Variants in ASTN1 observed in about 807,000 individuals in gnomAD.
ASTN1 encodes astrotactin-1.
Under a neutral mutation model 140.7 loss-of-function variants are expected in ASTN1, and 41 were observed. The ratio of observed to expected loss-of-function variants is 0.29; its 90% confidence interval spans 0.23 to 0.38. The LOEUF (loss-of-function observed/expected upper bound fraction) is 0.38, where lower values mean the gene tolerates loss of function less well. Ranked by LOEUF, ASTN1 falls within the 10% of genes least tolerant of loss-of-function variation. ASTN1 has a pLI of 1.00. For missense variants in ASTN1, 1,479 were observed against 1,678.8 expected (o/e 0.88, Z 2.08); for synonymous variants, 640 against 652.2 (o/e 0.98, Z 0.29).
rs73035919 is a variant in ASTN1 at position 176,899,242 on chromosome 1, G to A, written c.2672-4412C>T. ...TAGAATATTGTGGTATGAGAATATCGCGTCCTTAAAGCTCAACATGTCATT... is the reference window on the plus strand; with the variant it reads ...TAGAATATTGTGGTATGAGAATATCACGTCCTTAAAGCTCAACATGTCATT... On this transcript the variant is annotated intron_variant, in intron 16 of 22. Coordinates refer to ENST00000361833, the MANE Select transcript of ASTN1 (RefSeq NM_004319.3). 4.0e-3 allele frequency among the ~76,000 whole-genome samples: 608 copies of A among 152,218 alleles called. 2 individuals carry two copies. The highest frequency in any genetic ancestry group is 0.014 in the African/African-American group (562 of 41,510).
At chr1:176,938,324 G>A (rs1671537163) in intron 14 of ASTN1, among the ~76,000 whole-genome samples, 1 of 152,170 alleles carries the variant, frequency 6.6e-6, no homozygotes, top group East Asian at 1.9e-4. Context: ...AACAAGTATT[G>A]TCTAGTTAGG....
chr1:177,108,119 G>A (rs980541869), intron 1 of ASTN1, among the ~76,000 whole-genome samples: 1 of 152,070 alleles, frequency 6.6e-6, no homozygotes, highest in Non-Finnish European at 1.5e-5. Flanking sequence ...GGAAGCTGAG[G>A]TGGGCAGATC....
At chr1:176,955,380 C>G (rs191001820) in intron 11 of ASTN1, among the ~76,000 whole-genome samples, 1 of 152,120 alleles carries the variant, frequency 6.6e-6, no homozygotes, top group Non-Finnish European at 1.5e-5. Context: ...AGTGGAGTCA[C>G]AAGTGTCATG....
rs1279117360 is a variant in ASTN1 at position 176,862,427 on chromosome 1, C to A, written c.*1857G>T. 2.0e-6 allele frequency: 2 copies of A among 985,300 alleles called. No homozygotes were observed. The highest frequency in any genetic ancestry group is 3.5e-5 in the African/African-American group (2 of 57,234). 61.0% of individuals were successfully genotyped at this position (985,300 alleles called of 1,614,324 possible). A position where few individuals can be genotyped will look rare whatever the true frequency, so the allele number is the denominator to read the frequency against. On this transcript the variant is annotated 3_prime_UTR_variant, in exon 23 of 23. Transcript: ENST00000361833. ...TCTAGCTCCAAAGGCTAAGGGCGTA[C>A]TTTCGCCCCTCCTCCTTCCACTGCA...
chr1:176,857,588 G>A, downstream of ASTN1: 1 of 593,700 alleles, frequency 1.7e-6, no homozygotes, highest in Non-Finnish European at 3.1e-6. Context: ...TACCCTGGCT[G>A]CCGTCTTCTT....
At chr1:177,157,010 G>A (rs1387342627) in intron 1 of ASTN1, among the ~76,000 whole-genome samples, 1 of 152,188 alleles carries the variant, frequency 6.6e-6, no homozygotes, top group East Asian at 1.9e-4. Flanking sequence ...ACAAGTCTGA[G>A]AAAGTGTCAC....
At chr1:176,911,363 A>G (rs1025923008) in intron 16 of ASTN1, among the ~76,000 whole-genome samples, 3 of 152,162 alleles carry the variant, frequency 2.0e-5, no homozygotes, top group African/African-American at 7.2e-5. Flanking sequence ...TTCTGCAATA[A>G]TAAATTAACT....
chr1:176,993,233 GAGTAAGGTATCACAAACACA>G, intron 8 of ASTN1, among the ~76,000 whole-genome samples: 1 of 152,358 alleles, frequency 6.6e-6, no homozygotes, highest in South Asian at 2.1e-4. Context: ...ATGACTTAGA[GAGTAAGGTATCACAAACACA>G]AAGCCAGAGA....
intron 1 of ASTN1, among the ~76,000 whole-genome samples, chr1:177,161,409 G>A (rs1184328776): frequency 6.6e-6 from 1 of 152,198 alleles, no homozygotes; most frequent in Non-Finnish European, 1.5e-5. Flanking sequence ...TCCAAGCCAA[G>A]CCTAATCTAC....
chr1:176,869,599 C>A (rs1448481280), intron 21 of ASTN1, among the ~76,000 whole-genome samples: 2 of 152,146 alleles, frequency 1.3e-5, no homozygotes, highest in Admixed American at 6.5e-5. Context: ...TCCTGATGAG[C>A]TGACTGCTAC....
intron 11 of ASTN1, among the ~76,000 whole-genome samples, chr1:176,952,572 C>T (rs1416734011): frequency 6.6e-6 from 1 of 151,966 alleles, no homozygotes; most frequent in Non-Finnish European, 1.5e-5. Flanking sequence ...AAGGAGTTTC[C>T]TAAGGTATAA....
At chr1:176,858,106 T>C (rs1324826312), downstream of ASTN1, among the ~76,000 whole-genome samples, 1 of 152,158 alleles carries the variant, frequency 6.6e-6, no homozygotes, top group African/African-American at 2.4e-5. Context: ...AAGCATATCA[T>C]AGACTCTAAC....
chr1:176,926,844 C>T (rs996516691), intron 16 of ASTN1, among the ~76,000 whole-genome samples: 3 of 152,134 alleles, frequency 2.0e-5, no homozygotes, highest in Admixed American at 2.0e-4. Context: ...GCAAGTTAGC[C>T]TAAGAACTAC....
At chr1:176,943,862 G>C (rs745929689) in intron 14 of ASTN1, 29 bp downstream of exon 14, 1 of 1,552,734 alleles carries the variant, frequency 6.4e-7, no homozygotes, top group African/African-American at 1.4e-5. Context: ...GTTTGTGCCA[G>C]TTGAATAAGG....
chr1:176,861,165 G>T lies in ASTN1; in HGVS notation c.*3119C>A. 1.0e-6 allele frequency: 1 copy of T among 954,944 alleles called. No individual in the cohort carries two copies. Among genetic ancestry groups the T allele is most frequent in the Non-Finnish European group, 1.2e-6 (1 of 802,202 alleles). The allele number at this position is 954,944 out of a possible 1,614,324, so 59.2% of individuals were successfully genotyped here. On this transcript the variant is annotated 3_prime_UTR_variant, in exon 23 of 23. Coordinates refer to ENST00000361833, the MANE Select transcript of ASTN1 (RefSeq NM_004319.3). ...AAACAACACTGTTATACCTGAAGAT[G>T]GTCATATTATATTCTTTCTTCCTTC... is the stretch of plus-strand genomic sequence containing the variant.
At chr1:177,024,512 C>G in intron 6 of ASTN1, 71 bp downstream of exon 6, 1 of 1,563,388 alleles carries the variant, frequency 6.4e-7, no homozygotes. Context: ...CCTGTCTTCT[C>G]TAGCCTTTGC....
intron 1 of ASTN1, among the ~76,000 whole-genome samples, chr1:177,072,537 A>G (rs1678692659): frequency 6.6e-6 from 1 of 152,226 alleles, no homozygotes; most frequent in South Asian, 2.1e-4. Flanking sequence ...TGCTGGGAGA[A>G]TGATTTAAAA....
chr1:176,960,394 T>C (rs768644334), intron 9 of ASTN1, among the ~76,000 whole-genome samples: 1 of 152,224 alleles, frequency 6.6e-6, no homozygotes, highest in Non-Finnish European at 1.5e-5. Context: ...AATATCTGCA[T>C]TGATGCAGAG....
At position 176,863,931 on chromosome 1, in the gene ASTN1, C is replaced by T. The variant is rs1668046129; in HGVS notation, c.*353G>A. ...GAACTGAGTGAGCACAGGGTGCCTA[C>T]TTAATAGACTTTTCATGGGGAGCAC... On this transcript the variant is annotated 3_prime_UTR_variant, in exon 23 of 23. Transcript: ENST00000361833. The T allele has an allele frequency of 5.6e-6, 6 of 1,079,268 alleles. No individual in the cohort carries two copies. Among genetic ancestry groups the T allele is most frequent in the Non-Finnish European group, 6.8e-6 (6 of 886,960 alleles). The allele number at this position is 1,079,268 out of a possible 1,614,324, so 66.9% of individuals were successfully genotyped here. A position where few individuals can be genotyped will look rare whatever the true frequency, so the allele number is the denominator to read the frequency against.
Sources: allele counts gnomAD v4.1 joint callset (sites outside exome capture counted in the v4.1 genomes callset), GRCh38; gene constraint gnomAD v4.1.1; transcripts MANE v1.5; gene names NCBI Gene and HGNC (gene_info 2026-07-23, HGNC 2026-07-21).